ADGRG1: variants seen among roughly 807,000 people sequenced by gnomAD.
The protein encoded by ADGRG1 is 7-transmembrane protein with no EGF-like N-terminal domains-1.
ADGRG1 carries 53 observed loss-of-function variants against 73.5 expected under a neutral mutation model. That is an observed-to-expected ratio of 0.72 (90% confidence interval 0.58 to 0.91). ADGRG1 has a LOEUF of 0.91. Among genes scored for constraint, ADGRG1 ranks in the 40% least tolerant of loss-of-function variants. The probability of loss-of-function intolerance (pLI) is 0.00; values close to 1 mark genes in which losing one functional copy is unlikely to be tolerated. For synonymous variants in ADGRG1, 394 were observed against 374.4 expected (o/e 1.05, Z -0.60); for missense variants, 795 against 871.8 (o/e 0.91, Z 1.11).
At chr16:57,638,946 T>A (rs576466525) in intron 1 of ADGRG1, among the ~76,000 whole-genome samples, 1 of 152,136 alleles carries the variant, frequency 6.6e-6, no homozygotes, top group Non-Finnish European at 1.5e-5. Context: ...GGTGGGCACC[T>A]GTAGTCCCAG....
At chr16:57,656,114 CA>C (rs1484725953) in intron 7 of ADGRG1, 111 bp from the exon 8 acceptor site, 4 of 1,613,330 alleles carry the variant, frequency 2.5e-6, no homozygotes. Flanking sequence ...CAGTCAGGTC[CA>C]AATGGGGCGG....
intron 1 of ADGRG1, among the ~76,000 whole-genome samples, chr16:57,644,512 GCACA>G (rs369501654): frequency 4.2e-5 from 6 of 142,944 alleles, no homozygotes. Flanking sequence ...TCATGCATGG[GCACA>G]CACACTCATC....
chr16:57,657,485 G>A lies in ADGRG1; in HGVS notation c.1280G>A (p.Cys427Tyr), dbSNP rs772661513. The A allele has an allele frequency of 6.2e-7, 1 of 1,611,506 alleles. No individual in the cohort carries two copies. The highest frequency in any genetic ancestry group is 1.7e-5 in the Admixed American group (1 of 60,008). ...CTTGTCACCATTGCCGCCTACCTCT[G>A]CTCCAGGTGAGGCCTGAAAGGGGTG... is the stretch of plus-strand genomic sequence containing the variant. ...ACLVTIAAYL[C>Y]SRRKPRDYTI... Residue 427 changes from cysteine to tyrosine, a missense_variant, in exon 10 of 14, where the codon TGC (cysteine) becomes TAC (tyrosine). By Grantham distance (194) the Cys-to-Tyr change is radical (BLOSUM62 -2). Coordinates refer to ENST00000562631, the MANE Select transcript of ADGRG1 (RefSeq NM_201525.4).
At chr16:57,645,784 T>G (rs1459004316) in intron 1 of ADGRG1, among the ~76,000 whole-genome samples, 1 of 152,190 alleles carries the variant, frequency 6.6e-6, no homozygotes, top group Non-Finnish European at 1.5e-5. Flanking sequence ...ACCGGCAGGC[T>G]TGGGAGCCTC....
At chr16:57,663,373 T>A (rs2047731279) in intron 13 of ADGRG1, 79 bp from the exon 14 acceptor site, 7 of 1,589,024 alleles carry the variant, frequency 4.4e-6, no homozygotes, top group Non-Finnish European at 6.0e-6. Flanking sequence ...CAGACCCGAG[T>A]CACAATGGCT....
intron 10 of ADGRG1, chr16:57,659,033 C>T (rs2046408698): frequency 2.0e-6 from 2 of 985,142 alleles, no homozygotes; most frequent in Non-Finnish European, 2.4e-6. Flanking sequence ...CACAGGTGCA[C>T]AGTTGTGCAG....
At chr16:57,624,779 C>T (rs1297291669), upstream of ADGRG1, 1 of 908,864 alleles carries the variant, frequency 1.1e-6, no homozygotes, top group East Asian at 1.2e-4. Flanking sequence ...AAGATCTCCT[C>T]CTACCTCCCC....
intron 1 of ADGRG1, among the ~76,000 whole-genome samples, chr16:57,649,643 A>G (rs564501519): frequency 3.9e-5 from 6 of 152,252 alleles, no homozygotes; most frequent in African/African-American, 1.4e-4. Flanking sequence ...GATTCTAGAT[A>G]AGATAATCCC....
intron 13 of ADGRG1, 102 bp downstream of exon 13, chr16:57,662,067 GCCTCAGTCATC>G: frequency 1.1e-6 from 1 of 941,014 alleles, no homozygotes; most frequent in Non-Finnish European, 1.7e-6. Flanking sequence ...CCTTCTCTGG[GCCTCAGTCATC>G]CCATTCATAA....
rs533769307 is a variant in ADGRG1 at position 57,652,545 on chromosome 16, C to T, written c.488-658C>T. The T allele has an allele frequency of 9.1e-5, 74 of 808,856 alleles. 2 individuals carry two copies. The South Asian group carries it at 4.0e-3, about 44-fold the overall frequency. The allele number at this position is 808,856 out of a possible 1,614,324, so 50.1% of individuals were successfully genotyped here. ...TTGATCCTAGTTGCAAATTGGCATTCTGAAGACCAGACTGAACTTGGTCTT... is the reference window on the plus strand; with the variant it reads ...TTGATCCTAGTTGCAAATTGGCATTTTGAAGACCAGACTGAACTTGGTCTT... On this transcript the variant is annotated intron_variant, in intron 3 of 13. Transcript: ENST00000562631.
chr16:57,657,753 T>A (rs184487235), intron 10 of ADGRG1, among the ~76,000 whole-genome samples: 3 of 152,100 alleles, frequency 2.0e-5, no homozygotes, highest in African/African-American at 7.2e-5. Context: ...TTATTATTAT[T>A]TTTTTGAGAC....
In ADGRG1 at chr16:57,660,748, A is replaced by T; in HGVS notation, c.1556-20A>T. On this transcript the variant is annotated intron_variant, in intron 11 of 13. Transcript: ENST00000562631. ...GCCTCAGAGAGCGGGAAGTAGAGCA[A>T]CATGCATTGCCACCCTCAGGCTTCC... The T allele has an allele frequency of 1.3e-6, 2 of 1,552,418 alleles. No individual in the cohort carries two copies. The highest frequency in any genetic ancestry group is 1.8e-6 in the Non-Finnish European group (2 of 1,126,224).
chr16:57,639,785 G>T (rs1182698101), intron 1 of ADGRG1: 2 of 790,904 alleles, frequency 2.5e-6, no homozygotes, highest in Non-Finnish European at 3.1e-6. Flanking sequence ...CCTCCAGCTC[G>T]CCTCCTTCCT....
In ADGRG1 at chr16:57,664,232, C is replaced by G. The variant is rs1458153744; in HGVS notation, c.*650C>G. On this transcript the variant is annotated 3_prime_UTR_variant, in exon 14 of 14. Coordinates refer to ENST00000562631, the MANE Select transcript of ADGRG1 (RefSeq NM_201525.4). ...GGGTTCTCCTCCTCTCCCAGGGCCT[C>G]CTTGCTCCTTCGTTCACAGCTGGGG... The G allele has an allele frequency of 6.5e-6, 1 of 153,346 alleles. No individual in the cohort carries two copies. The highest frequency in any genetic ancestry group is 6.5e-5 in the Admixed American group (1 of 15,332). 9.5% of individuals were successfully genotyped at this position (153,346 alleles called of 1,614,324 possible).
At position 57,659,444 on chromosome 16, in the gene ADGRG1, C is replaced by T; in HGVS notation, c.1318C>T (p.His440Tyr). The T allele has an allele frequency of 6.2e-7, 1 of 1,613,850 alleles. No homozygotes were observed. The highest frequency in any genetic ancestry group is 8.5e-7 in the Non-Finnish European group (1 of 1,179,948). The stretch of plus-strand genomic sequence containing the variant: ...ACCTCGGGACTACACCATCAAGGTG[C>T]ACATGAACCTGCTGCTGGCCGTCTT... ...RKPRDYTIKV[H>Y]MNLLLAVFLL... Residue 440 changes from histidine to tyrosine, a missense_variant, in exon 11 of 14, where the codon CAC becomes TAC. By Grantham distance (83) the His-to-Tyr change is moderately conservative. Coordinates refer to ENST00000562631, the MANE Select transcript of ADGRG1 (RefSeq NM_201525.4).
intron 2 of ADGRG1, 148 bp from the exon 3 acceptor site, chr16:57,651,052 G>A (rs949096294): frequency 8.3e-6 from 13 of 1,559,180 alleles, no homozygotes; most frequent in Admixed American, 1.8e-5. Context: ...GTTTTGAGTG[G>A]GAAAGACTAA....
Position 57,658,673 on chromosome 16 carries a change from G to T in ADGRG1, c.1287-740G>T, listed in dbSNP as rs560202437. Among the ~76,000 whole-genome samples, 7 of 152,286 alleles carry T rather than the reference G, an allele frequency of 4.6e-5. No homozygotes were observed. In the South Asian group the frequency reaches 1.0e-3, roughly 23 times the overall value. On this transcript the variant is annotated intron_variant, in intron 10 of 13. Transcript: ENST00000562631. Reference sequence around the variant, plus strand: ...AGGCAGAAGTCCTCAACACCCAGTTGCTCACAAACATGCCCAAGGACACAG... The same window carrying T: ...AGGCAGAAGTCCTCAACACCCAGTTTCTCACAAACATGCCCAAGGACACAG...
chr16:57,650,710 T>C (rs1432136151), intron 2 of ADGRG1, among the ~76,000 whole-genome samples: 1 of 20,958 alleles, frequency 4.8e-5, no homozygotes, highest in Non-Finnish European at 7.7e-5. Flanking sequence ...CAGTTTCCTC[T>C]TTTTTTTTTT....
chr16:57,639,674 C>T (rs537504516), intron 1 of ADGRG1: 7 of 985,114 alleles, frequency 7.1e-6, no homozygotes, highest in East Asian at 1.1e-4. Flanking sequence ...AGTCCAGGTA[C>T]GATTCTCCCG....
Sources: gnomAD v4.1 joint callset for allele counts (sites outside exome capture counted in the v4.1 genomes callset) on GRCh38, gnomAD v4.1.1 for gene constraint, MANE v1.5 for transcripts, NCBI Gene and HGNC (gene_info 2026-07-23, HGNC 2026-07-21) for gene names.